The following ACAN variants were observed in gnomAD, a reference collection of about 807,000 sequenced individuals.
ACAN encodes aggrecan core protein.
In ACAN, 47 loss-of-function variants were observed where a neutral mutation model predicts 169.1. The observed-to-expected ratio is 0.28, with a 90% CI of 0.22 to 0.35. The LOEUF is 0.35. Ranked by LOEUF, ACAN falls within the 10% of genes least tolerant of loss-of-function variation. ACAN has a pLI of 1.00. For synonymous variants in ACAN, 1,115 were observed against 1,112.2 expected (o/e 1.00, Z -0.05); for missense variants, 2,716 against 2,759.9 (o/e 0.98, Z 0.36).
In ACAN at chr15:88,849,988, A is replaced by C. The variant is rs1426482296; in HGVS notation, c.2026+257A>C. On this transcript the variant is annotated intron_variant, in intron 10 of 18. Coordinates refer to ENST00000560601, the MANE Select transcript of ACAN (RefSeq NM_001369268.1). The surrounding 1 kb of genome is among the most constrained non-coding windows in gnomAD (Gnocchi z 5.1). ...TATTTATGTCTACTAGAAATGAAGC[A>C]GACCTGAATTTGAGTTATGGCTCTG... The C allele has an allele frequency of 3.2e-6, 2 of 618,330 alleles. No homozygotes were observed. Among genetic ancestry groups the C allele is most frequent in the Non-Finnish European group, 2.9e-6 (1 of 346,224 alleles). The allele number at this position is 618,330 out of a possible 1,614,324, so 38.3% of individuals were successfully genotyped here. A position where few individuals can be genotyped will look rare whatever the true frequency, so the allele number is the denominator to read the frequency against.
In ACAN at chr15:88,848,028, C is replaced by T; in HGVS notation, c.1722C>T (p.Asp574=). 2 of 1,613,668 alleles carry T rather than the reference C, an allele frequency of 1.2e-6. No individual in the cohort carries two copies. The highest frequency in any genetic ancestry group is 1.7e-6 in the Non-Finnish European group (2 of 1,179,764). The change falls in exon 9 of 19, where the codon GAC becomes GAT. Residue 574 remains aspartate, a synonymous_variant. Coordinates refer to ENST00000560601, the MANE Select transcript of ACAN (RefSeq NM_001369268.1). ...TETYDVYCFV[D]RLEGEVFFAT... is the part of the protein sequence containing the mutation. ...CCTACGATGTCTACTGCTTTGTAGACAGACTTGAGGGTACAAGCCACATTC... is the reference window on the plus strand; with the variant it reads ...CCTACGATGTCTACTGCTTTGTAGATAGACTTGAGGGTACAAGCCACATTC...
intron 1 of ACAN, among the ~76,000 whole-genome samples, chr15:88,808,644 G>A (rs751413989): frequency 7.9e-5 from 12 of 152,176 alleles, no homozygotes; most frequent in African/African-American, 2.2e-4. Flanking sequence ...TGCTGCTAGC[G>A]TCTCATGGAT....
chr15:88,848,800 T>A (rs79966136), intron 9 of ACAN, among the ~76,000 whole-genome samples: 4,150 of 152,324 alleles, frequency 0.027, 196 homozygotes, highest in African/African-American at 0.095. Context: ...AGGCCTCAGC[T>A]CCTTCATCTA....
rs1359805458 is a variant in ACAN at position 88,858,414 on chromosome 15, A to T, written c.5829A>T (p.Glu1943Asp). The change falls in exon 12 of 19, where the codon GAA becomes GAT. Residue 1943 changes from glutamate (E) to aspartate (D), a missense_variant. Coordinates refer to ENST00000560601, the MANE Select transcript of ACAN (RefSeq NM_001369268.1). This position sits in a 1 kb window ranked among gnomAD's most constrained non-coding sequence, Gnocchi z 4.0. ...TVSLVDRTLV[E>D]SVTQAPTAQE... ...CTCTTGTAGACAGAACTTTGGTGGA[A>T]TCTGTAACCCAGGCTCCAACAGCCC... 6.2e-7 allele frequency: 1 copy of T among 1,613,700 alleles called. No individual in the cohort carries two copies. The highest frequency in any genetic ancestry group is 1.7e-5 in the Admixed American group (1 of 60,016).
intron 1 of ACAN, among the ~76,000 whole-genome samples, chr15:88,828,873 C>G (rs1157293683): frequency 6.6e-6 from 1 of 152,236 alleles, no homozygotes; most frequent in African/African-American, 2.4e-5. Context: ...AGCCGACTCA[C>G]TCATGTCTGC....
chr15:88,849,728 C>A lies in ACAN; in HGVS notation c.2023C>A (p.Arg675=), dbSNP rs1356219990. ...PLSRHHAFCF[R]GISAVPSPGE... is the part of the protein sequence containing the mutation. ...GTCCCGGCACCATGCCTTCTGCTTC[C>A]GAGGTATGCAGCCTCACTTCGGCTC... The change falls in exon 10 of 19, where the codon CGA becomes AGA. Residue 675 remains arginine, a synonymous_variant. Coordinates refer to ENST00000560601, the MANE Select transcript of ACAN (RefSeq NM_001369268.1). This position sits in a 1 kb window ranked among gnomAD's most constrained non-coding sequence, Gnocchi z 5.1. The A allele has an allele frequency of 4.3e-6, 7 of 1,613,488 alleles. No homozygotes were observed. The highest frequency in any genetic ancestry group is 2.7e-5 in the African/African-American group (2 of 74,932).
chr15:88,841,070 G>A (rs1304719470), intron 4 of ACAN, among the ~76,000 whole-genome samples: 5 of 152,312 alleles, frequency 3.3e-5, no homozygotes, highest in African/African-American at 7.2e-5. Context: ...GCGTGAACCC[G>A]GGAGGTGGAG....
Position 88,868,238 on chromosome 15 carries a change from C to G in ACAN, c.6969C>G (p.Ser2323Arg), listed in dbSNP as rs1210193000. 8.5e-6 allele frequency: 6 copies of G among 702,664 alleles called. No homozygotes were observed. The highest frequency in any genetic ancestry group is 1.6e-5 in the Non-Finnish European group (6 of 384,842). 43.5% of individuals were successfully genotyped at this position (702,664 alleles called of 1,614,324 possible). A position where few individuals can be genotyped will look rare whatever the true frequency, so the allele number is the denominator to read the frequency against. ...CNIDIDECLS[S>R]PCLNGATCVD... Reference sequence around the variant, plus strand: ...CAGACATTGATGAGTGCCTCTCAAGCCCTTGTCTGAATGGAGCCACCTGCG... The same window carrying G: ...CAGACATTGATGAGTGCCTCTCAAGGCCTTGTCTGAATGGAGCCACCTGCG... The change falls in exon 14 of 19, where the codon AGC becomes AGG. Residue 2323 changes from serine to arginine, a missense_variant. Physicochemically the swap from Ser to Arg is moderately radical, Grantham distance 110 (BLOSUM62 -1). Around this residue, in one of 3 missense-constraint regions of ACAN, gnomAD observed 1,389 missense variants for 1,363.7 expected, o/e 1.02. Coordinates refer to ENST00000560601, the MANE Select transcript of ACAN (RefSeq NM_001369268.1). This position sits in a 1 kb window ranked among gnomAD's most constrained non-coding sequence, Gnocchi z 5.2.
At chr15:88,808,890 GA>G (rs199967139) in intron 1 of ACAN, among the ~76,000 whole-genome samples, 1 of 132,266 alleles carries the variant, frequency 7.6e-6, no homozygotes, top group Non-Finnish European at 1.7e-5. Context: ...GACAATAAAT[GA>G]AAAGGAAAAG....
rs575468209 is a variant in ACAN at position 88,838,821 on chromosome 15, C to T, written c.229C>T (p.Arg77Cys). ...ACTGGCCCCAAGAATCAAGTGGAGCCGTGTGTCCAAGGAGAAGGAGGTAGT... is the reference window on the plus strand; with the variant it reads ...ACTGGCCCCAAGAATCAAGTGGAGCTGTGTGTCCAAGGAGAAGGAGGTAGT... ...APLAPRIKWS[R>C]VSKEKEVVLL... is the part of the protein sequence containing the mutation. Residue 77 changes from arginine to cysteine, a missense_variant, in exon 3 of 19, where the codon CGT (arginine) becomes TGT (cysteine). This residue lies in a region of ACAN where 1,283 missense variants were observed against 1,281.5 expected (regional missense o/e 1.00). Transcript: ENST00000560601. The surrounding 1 kb of genome is among the most constrained non-coding windows in gnomAD (Gnocchi z 5.1). The T allele has an allele frequency of 1.9e-5, 30 of 1,614,004 alleles. No homozygotes were observed. Among genetic ancestry groups the T allele is most frequent in the Middle Eastern group, 1.6e-4 (1 of 6,062 alleles).
At chr15:88,821,911 C>A (rs1192026063) in intron 1 of ACAN, among the ~76,000 whole-genome samples, 2 of 152,186 alleles carry the variant, frequency 1.3e-5, no homozygotes, top group African/African-American at 4.8e-5. Context: ...TGAAAATCAG[C>A]AAAGGGAAGA....
intron 1 of ACAN, among the ~76,000 whole-genome samples, chr15:88,830,066 C>T (rs1199386495): frequency 6.6e-6 from 1 of 152,044 alleles, no homozygotes; most frequent in Non-Finnish European, 1.5e-5. Flanking sequence ...GGAGGGTGGG[C>T]GTTCACGTAG....
chr15:88,862,496 T>C (rs1897214256), intron 13 of ACAN, among the ~76,000 whole-genome samples: 1 of 152,194 alleles, frequency 6.6e-6, no homozygotes, highest in South Asian at 2.1e-4. Context: ...AGAGAAGCTT[T>C]AGCATCTCCA....
In ACAN at chr15:88,874,196, C is replaced by CGTACTT. The variant is rs1897456317; in HGVS notation, c.7630+175_7630+180dup. ...CTGACCACTGCCCTTAGAAGGGCCA[C>CGTACTT]GTACTTGTCCCAGGAGAGGGCTCAC... On this transcript the variant is annotated intron_variant, in intron 18 of 18. Transcript: ENST00000560601. This position sits in a 1 kb window ranked among gnomAD's most constrained non-coding sequence, Gnocchi z 7.3. The CGTACTT allele has an allele frequency of 9.6e-7, 1 of 1,046,260 alleles. No homozygotes were observed. The highest frequency in any genetic ancestry group is 2.6e-5 in the East Asian group (1 of 38,638). 64.8% of individuals were successfully genotyped at this position (1,046,260 alleles called of 1,614,324 possible). A position where few individuals can be genotyped will look rare whatever the true frequency, so the allele number is the denominator to read the frequency against.
At chr15:88,847,887 T>C in intron 8 of ACAN, 24 bp from the exon 9 acceptor site, 1 of 1,611,004 alleles carries the variant, frequency 6.2e-7, no homozygotes, top group Non-Finnish European at 8.5e-7. Context: ...GGCCTTCATC[T>C]TCTCCTCCCA....
At chr15:88,816,897 A>C (rs149529887) in intron 1 of ACAN, among the ~76,000 whole-genome samples, 5 of 152,254 alleles carry the variant, frequency 3.3e-5, no homozygotes, top group African/African-American at 1.2e-4. Flanking sequence ...TTGAGCCCCA[A>C]ATCTGTTGAA....
rs138733381 is a variant in ACAN, at chr15:88,845,249, G to T, written c.1052-256G>T. Among the ~76,000 whole-genome samples, 3 of 152,340 alleles carry T rather than the reference G, an allele frequency of 2.0e-5. No individual in the cohort carries two copies. The East Asian group carries it at 5.8e-4, about 29-fold the overall frequency. On this transcript the variant is annotated intron_variant, in intron 6 of 18. Transcript: ENST00000560601. ...GGGTGGGAACTGATCTTTATGAGCC[G>T]TCAGCTCATTGGTCAATATCTTGCC...
chr15:88,864,213 C>G (rs566615753), intron 13 of ACAN, among the ~76,000 whole-genome samples: 2 of 151,928 alleles, frequency 1.3e-5, no homozygotes, highest in South Asian at 4.2e-4. Context: ...TATTCAAGAT[C>G]AACCTTTAAA....
intron 11 of ACAN, among the ~76,000 whole-genome samples, chr15:88,853,542 G>A (rs1461158125): frequency 1.3e-5 from 2 of 152,120 alleles, no homozygotes; most frequent in African/African-American, 2.4e-5. Context: ...GGAGGCTGAG[G>A]CATGAGAATC....
Sources: allele counts gnomAD v4.1 joint callset (sites outside exome capture counted in the v4.1 genomes callset), GRCh38; gene constraint gnomAD v4.1.1; regional missense constraint gnomAD v4.1.1; non-coding constraint Gnocchi (gnomAD v3.1); transcripts MANE v1.5; gene names NCBI Gene and HGNC (gene_info 2026-07-23, HGNC 2026-07-21).